The following PIEZO1 variants were observed in gnomAD, a reference collection of about 807,000 sequenced individuals.
The protein encoded by PIEZO1 is piezo-type mechanosensitive ion channel component 1.
Under a neutral mutation model 297.2 loss-of-function variants are expected in PIEZO1, and 296 were observed. That is an observed-to-expected ratio of 1.00 (90% confidence interval 0.91 to 1.10). The LOEUF is 1.10. Ranked by LOEUF, PIEZO1 falls within the 50% of genes least tolerant of loss-of-function variation. PIEZO1 has a pLI of 0.00. For missense variants in PIEZO1, 5,018 were observed against 3,455.5 expected (o/e 1.45, Z -11.34); for synonymous variants, 2,427 against 1,507.5 (o/e 1.61, Z -14.13).
rs770323522 is a variant in PIEZO1, at chr16:88,725,026, C to G, written c.4217G>C (p.Trp1406Ser). The G allele has an allele frequency of 4.7e-6, 7 of 1,495,056 alleles. No homozygotes were observed. In the East Asian group the frequency reaches 1.9e-4, roughly 41 times the overall value. 92.6% of individuals were successfully genotyped at this position (1,495,056 alleles called of 1,614,324 possible). ...GGGGGTACCTGTGGCGTGGTCCAGCCAGGGCCGCCACCACTGCCTCCGTGG... is the reference window on the plus strand; with the variant it reads ...GGGGGTACCTGTGGCGTGGTCCAGCGAGGGCCGCCACCACTGCCTCCGTGG... The part of the protein sequence containing the change: ...SPPRRQWWRP[W>S]LDHATVIHSG... Residue 1406 changes from tryptophan (W) to serine (S), a missense_variant, in exon 30 of 51, where the codon TGG becomes TCG. Coordinates refer to ENST00000301015, the MANE Select transcript of PIEZO1 (RefSeq NM_001142864.4).
intron 1 of PIEZO1, among the ~76,000 whole-genome samples, chr16:88,754,575 C>T (rs1327356843): frequency 6.6e-6 from 1 of 152,180 alleles, no homozygotes; most frequent in Non-Finnish European, 1.5e-5. Context: ...ACGGGCTGAA[C>T]CAAGCCTGAC....
chr16:88,746,955 C>G (rs114990848), intron 2 of PIEZO1, among the ~76,000 whole-genome samples: 4,785 of 152,304 alleles, frequency 0.031, 217 homozygotes, highest in African/African-American at 0.1. Context: ...CCCACCCACC[C>G]CAGCCATGCA....
At chr16:88,732,220 C>T (rs1904899220) in intron 21 of PIEZO1, 115 bp downstream of exon 21, 1 of 885,552 alleles carries the variant, frequency 1.1e-6, no homozygotes, top group Non-Finnish European at 1.8e-6. Flanking sequence ...CCCCCACCCT[C>T]TGTGGCCCAG....
At chr16:88,735,536 C>T (rs1905153962) in intron 12 of PIEZO1, among the ~76,000 whole-genome samples, 1 of 152,282 alleles carries the variant, frequency 6.6e-6, no homozygotes, top group Non-Finnish European at 1.5e-5. Flanking sequence ...CATGCACGCA[C>T]CTGCACACAT....
In PIEZO1 at chr16:88,725,614, G is replaced by C; in HGVS notation, c.4039C>G (p.Leu1347Val). The C allele has an allele frequency of 1.3e-6, 2 of 1,549,148 alleles. No homozygotes were observed. Among genetic ancestry groups the C allele is most frequent in the Non-Finnish European group, 1.7e-6 (2 of 1,145,646 alleles). ...ACCTACTGTCTTTTCAGCTGGGCCA[G>C]GGACTTCTCCTCTATCCTGCGGTGA... ...DFHRRIEEKS[L>V]AQLKRQMERI... The change falls in exon 28 of 51, where the codon CTG becomes GTG. Residue 1347 changes from leucine to valine, a missense_variant. Physicochemically the swap from Leu to Val is conservative, Grantham distance 32. Transcript: ENST00000301015.
chr16:88,721,851 C>A lies in PIEZO1; in HGVS notation c.5171G>T (p.Arg1724Met). 6.5e-7 allele frequency: 1 copy of A among 1,549,534 alleles called. No homozygotes were observed. The highest frequency in any genetic ancestry group is 8.7e-7 in the Non-Finnish European group (1 of 1,146,722). ...VFLWAMLSIP[R>M]PSKRFWMTAI... ...CGTCATCCAGAAGCGCTTGCTGGGC[C>A]TCGGGATCGACAGCATGGCCCACAG... The change falls in exon 37 of 51, where the codon AGG (arginine) becomes ATG (methionine). Residue 1724 changes from arginine to methionine, a missense_variant. By Grantham distance (91) the Arg-to-Met change is moderately conservative. Transcript: ENST00000301015.
At chr16:88,771,731 G>A (rs1468491747) in intron 1 of PIEZO1, among the ~76,000 whole-genome samples, 2 of 152,010 alleles carry the variant, frequency 1.3e-5, no homozygotes, top group African/African-American at 2.4e-5. Context: ...GTCCACCCGC[G>A]GCCCCAGGCC....
At position 88,732,429 on chromosome 16, in the gene PIEZO1, A is replaced by G; in HGVS notation, c.2897T>C (p.Val966Ala). 1 of 1,549,704 alleles carries G rather than the reference A, an allele frequency of 6.5e-7. No homozygotes were observed. Among genetic ancestry groups the G allele is most frequent in the South Asian group, 1.2e-5 (1 of 84,056 alleles). The stretch of plus-strand genomic sequence containing the variant: ...CTGCTGGCGGGTGCCGCTGGCAAAC[A>G]CGGCCTGGGCAGGCAGCGGGGCCAG... The part of the protein sequence containing the change: ...HQLAPLPAQA[V>A]FASGTRQQLD... Residue 966 changes from valine (V) to alanine (A), a missense_variant, in exon 21 of 51, where the codon GTG becomes GCG. Physicochemically the swap from Val to Ala is moderately conservative, Grantham distance 64 (BLOSUM62 0). Coordinates refer to ENST00000301015, the MANE Select transcript of PIEZO1 (RefSeq NM_001142864.4).
chr16:88,765,265 G>A (rs901573390), intron 1 of PIEZO1, among the ~76,000 whole-genome samples: 1 of 152,238 alleles, frequency 6.6e-6, no homozygotes, highest in Non-Finnish European at 1.5e-5. Flanking sequence ...CCACTCGGAG[G>A]CAGCCTGGAG....
At chr16:88,755,321 G>A (rs79512997) in intron 1 of PIEZO1, among the ~76,000 whole-genome samples, 25,198 of 152,216 alleles carry the variant, frequency 0.17, 2,342 homozygotes, top group South Asian at 0.29. Context: ...CAGACTGGCT[G>A]GTTGATGCAT....
chr16:88,743,225 C>T (rs1166201196), intron 2 of PIEZO1: 6 of 456,412 alleles, frequency 1.3e-5, no homozygotes, highest in African/African-American at 2.0e-5. Flanking sequence ...TGGGGGCACT[C>T]AGGAGCCCTG....
rs1226489912 is a variant in PIEZO1 at position 88,727,054 on chromosome 16, T to G, written c.3440A>C (p.Asn1147Thr). 12 of 1,549,152 alleles carry G rather than the reference T, an allele frequency of 7.7e-6. No homozygotes were observed. Among genetic ancestry groups the G allele is most frequent in the Non-Finnish European group, 1.0e-5 (12 of 1,146,036 alleles). The change falls in exon 24 of 51, where the codon AAC becomes ACC. Residue 1147 changes from asparagine (N) to threonine (T), a missense_variant. Coordinates refer to ENST00000301015, the MANE Select transcript of PIEZO1 (RefSeq NM_001142864.4). ...PLRGEPNPVP[N>T]FIHCRSYLDM... ...TGGAACCCACCTGCAGTGGATAAAG[T>G]TGGGCACGGGGTTGGGCTCCCCCCG...
At position 88,738,619 on chromosome 16, in the gene PIEZO1, G is replaced by T; in HGVS notation, c.583C>A (p.Leu195Met). The T allele has an allele frequency of 6.5e-7, 1 of 1,535,680 alleles. No individual in the cohort carries two copies. Among genetic ancestry groups the T allele is most frequent in the Non-Finnish European group, 8.7e-7 (1 of 1,146,744 alleles). The change falls in exon 6 of 51, where the codon CTG becomes ATG. Residue 195 changes from leucine (L) to methionine (M), a missense_variant. Transcript: ENST00000301015. ...AARFRVTAHWLLVAAGRVLAV... is the reference protein window; with the variant it reads ...AARFRVTAHWMLVAAGRVLAV... ...AGGACCCGCCCAGCCGCCACCAGCA[G>T]CCAGTGGGCCGTGACTCGGAAACGA...
chr16:88,759,410 T>C (rs1186669098), intron 1 of PIEZO1, among the ~76,000 whole-genome samples: 3 of 152,258 alleles, frequency 2.0e-5, no homozygotes, highest in Non-Finnish European at 4.4e-5. Flanking sequence ...GCCGGGGTCC[T>C]GGTCCAAGCC....
In PIEZO1 at chr16:88,736,207, T is replaced by C. The variant is rs1905202521; in HGVS notation, c.1498A>G (p.Ser500Gly). The C allele has an allele frequency of 6.5e-7, 1 of 1,549,638 alleles. No individual in the cohort carries two copies. The highest frequency in any genetic ancestry group is 8.7e-7 in the Non-Finnish European group (1 of 1,146,716). The change falls in exon 12 of 51, where the codon AGC (serine) becomes GGC (glycine). Residue 500 changes from serine to glycine, a missense_variant. Physicochemically the swap from Ser to Gly is moderately conservative, Grantham distance 56. Transcript: ENST00000301015. ...PELPTTLGPV[S>G]LRQLGLEHTR... ...TGCTCCAGCCCCAGCTGGCGCAGGCTGACGGGGCCCAGGGTGGTGGGCAGC... is the reference window on the plus strand; with the variant it reads ...TGCTCCAGCCCCAGCTGGCGCAGGCCGACGGGGCCCAGGGTGGTGGGCAGC...
In PIEZO1 at chr16:88,734,665, C is replaced by T. The variant is rs1490982525; in HGVS notation, c.1982G>A (p.Gly661Asp). Residue 661 changes from glycine to aspartate, a missense_variant, in exon 15 of 51, where the codon GGC becomes GAC. By Grantham distance (94) the Gly-to-Asp change is moderately conservative. Transcript: ENST00000301015. ...CTGGACTCACTGCTCGTCGGTGAAGCCAGTGAGGTTGCGCCAGTAGGCAGG... is the reference window on the plus strand; with the variant it reads ...CTGGACTCACTGCTCGTCGGTGAAGTCAGTGAGGTTGCGCCAGTAGGCAGG... ...DFPAYWRNLT[G>D]FTDEQLGDLG... is the part of the protein sequence containing the mutation. 1.3e-6 allele frequency: 2 copies of T among 1,550,262 alleles called. No homozygotes were observed. The highest frequency in any genetic ancestry group is 1.2e-5 in the South Asian group (1 of 84,068).
chr16:88,717,122 G>C lies in PIEZO1; in HGVS notation c.6561C>G (p.Ile2187Met), dbSNP rs906693655. 1.7e-5 allele frequency: 26 copies of C among 1,551,262 alleles called. No homozygotes were observed. The highest frequency in any genetic ancestry group is 2.2e-5 in the Non-Finnish European group (25 of 1,147,178). The part of the protein sequence containing the change: ...GLIILFLIAI[I>M]WFPLLFMSLV... ...GCGACATGAAGAGCAGTGGGAACCA[G>C]ATGATGGCGATGAGGAAGAGGATGA... Residue 2187 changes from isoleucine (I) to methionine (M), a missense_variant, in exon 45 of 51, where the codon ATC (isoleucine) becomes ATG (methionine). By Grantham distance (10) the Ile-to-Met change is conservative. Coordinates refer to ENST00000301015, the MANE Select transcript of PIEZO1 (RefSeq NM_001142864.4).
intron 48 of PIEZO1, 31 bp from the exon 49 acceptor site, chr16:88,716,308 G>T: frequency 6.7e-7 from 1 of 1,495,838 alleles, no homozygotes; most frequent in Non-Finnish European, 9.0e-7. Flanking sequence ...GTCAGGCCTG[G>T]CCCAGCCAAC....
rs1408792994 is a variant in PIEZO1 at position 88,736,394 on chromosome 16, G to C, written c.1311C>G (p.Thr437=). 4 of 1,548,842 alleles carry C rather than the reference G, an allele frequency of 2.6e-6. No individual in the cohort carries two copies. The Admixed American group carries it at 5.9e-5, about 23-fold the overall frequency. The part of the protein sequence containing the change: ...ALIAMMVWSI[T]YHSWLTFVLL... ...GTACGAAGGTCAGCCAGCTGTGGTA[G>C]GTGATGCTCCATACCTGCGCGGCAG... Residue 437 remains threonine, a synonymous_variant, in exon 12 of 51, where the codon ACC becomes ACG. Transcript: ENST00000301015.
Sources: allele counts gnomAD v4.1 joint callset (sites outside exome capture counted in the v4.1 genomes callset), GRCh38; gene constraint gnomAD v4.1.1; transcripts MANE v1.5; gene names NCBI Gene and HGNC (gene_info 2026-07-23, HGNC 2026-07-21).